The following MAP3K15 variants were observed in gnomAD, a reference collection of about 807,000 sequenced individuals.
MAP3K15 encodes MAPK/ERK kinase kinase 15.
MAP3K15 carries 124 observed loss-of-function variants against 99.5 expected under a neutral mutation model. That is an observed-to-expected ratio of 1.25 (90% CI 1.08 to 1.45). The LOEUF is 1.45. Ranked by LOEUF, MAP3K15 falls within the 40% of genes most tolerant of loss-of-function variation. The pLI is 0.00. For missense variants in MAP3K15, 1,242 were observed against 1,079.7 expected, an observed-to-expected ratio of 1.15 and a Z score of -2.11; for synonymous variants, 494 against 439.6, an observed-to-expected ratio of 1.12 and a Z score of -1.55.
At position 19,489,605 on chromosome X, in the gene MAP3K15, G is replaced by A. The variant is rs189547734; in HGVS notation, c.362-638C>T. Reference sequence around the variant, plus strand: ...TTAGTGCACTTATAAAAGAGACTCCGGGGAGCTGCTTTCCCCCTTTCATCA... The same window carrying A: ...TTAGTGCACTTATAAAAGAGACTCCAGGGAGCTGCTTTCCCCCTTTCATCA... On this transcript the variant is annotated intron_variant, in intron 1 of 28. Coordinates refer to ENST00000338883, the MANE Select transcript of MAP3K15 (RefSeq NM_001001671.4). Among the ~76,000 whole-genome samples, 81 of 111,112 alleles carry A rather than the reference G, an allele frequency of 7.3e-4. 2 individuals carry two copies. The highest frequency in any genetic ancestry group is 3.3e-3 in the Admixed American group (34 of 10,448).
rs2063583530 is a variant in MAP3K15 at position 19,398,345 on chromosome X, A to G, written c.1947T>C (p.His649=). The stretch of plus-strand genomic sequence containing the variant: ...AGACAACTCTCTCACCATTTGCATC[A>G]TGGTCATACTCATACTGAAGAAGGA... ...DGDTLEYEYD[H]DANGERVVLG... is the part of the protein sequence containing the mutation. The change falls in exon 15 of 29, where the codon CAT becomes CAC. Residue 649 remains histidine (H), a synonymous_variant. Coordinates refer to ENST00000338883, the MANE Select transcript of MAP3K15 (RefSeq NM_001001671.4). 1 of 1,209,598 alleles carries G rather than the reference A, an allele frequency of 8.3e-7. No individual in the cohort carries two copies. The highest frequency in any genetic ancestry group is 2.2e-5 in the Admixed American group (1 of 45,668).
chrX:19,389,005 C>T (rs2063509719), intron 18 of MAP3K15, among the ~76,000 whole-genome samples: 1 of 111,549 alleles, frequency 9.0e-6, no homozygotes, highest in Admixed American at 9.6e-5. Context: ...GGAGGAACTG[C>T]AAAAACAGGA....
intron 13 of MAP3K15, among the ~76,000 whole-genome samples, chrX:19,401,654 G>C (rs764240661): frequency 2.2e-4 from 24 of 111,507 alleles, no homozygotes; most frequent in Non-Finnish European, 3.6e-4. Context: ...AACGCATAAG[G>C]TGGCCACATC....
At chrX:19,379,169 C>T (rs754726469) in intron 19 of MAP3K15, among the ~76,000 whole-genome samples, 4 of 109,978 alleles carry the variant, frequency 3.6e-5, no homozygotes, top group Non-Finnish European at 7.6e-5. Flanking sequence ...CTGAGATATA[C>T]GTGAATCTTT....
intron 9 of MAP3K15, among the ~76,000 whole-genome samples, chrX:19,419,882 A>C (rs183384503): frequency 4.9e-4 from 55 of 112,172 alleles, no homozygotes; most frequent in African/African-American, 1.7e-3. Flanking sequence ...ATGATTAAGA[A>C]ACTCACTCAA....
At chrX:19,450,929 A>C (rs934717153) in intron 6 of MAP3K15, among the ~76,000 whole-genome samples, 4 of 109,495 alleles carry the variant, frequency 3.7e-5, no homozygotes, top group African/African-American at 1.3e-4. Flanking sequence ...TAAAAAGTAT[A>C]CATGTGGCAA....
chrX:19,475,271 C>A (rs1172751816), intron 3 of MAP3K15, among the ~76,000 whole-genome samples: 1 of 110,524 alleles, frequency 9.0e-6, no homozygotes, highest in Non-Finnish European at 1.9e-5. Context: ...GGTTTATGCT[C>A]CTATGAGAAT....
At chrX:19,420,469 C>G (rs765145461) in intron 9 of MAP3K15, among the ~76,000 whole-genome samples, 2 of 111,456 alleles carry the variant, frequency 1.8e-5, no homozygotes, top group Non-Finnish European at 3.8e-5. Flanking sequence ...CACATACACC[C>G]TCCCAAGACT....
chrX:19,377,952 A>G (rs2063431789), intron 19 of MAP3K15, among the ~76,000 whole-genome samples: 1 of 112,197 alleles, frequency 8.9e-6, no homozygotes, highest in Non-Finnish European at 1.9e-5. Flanking sequence ...ATAGGAGGTG[A>G]GAAGCTCTGA....
intron 6 of MAP3K15, among the ~76,000 whole-genome samples, chrX:19,435,881 T>A (rs773770021): frequency 8.9e-6 from 1 of 112,214 alleles, no homozygotes; most frequent in Non-Finnish European, 1.9e-5. Flanking sequence ...AGGCTGGGCG[T>A]GGTGGCTCAC....
At chrX:19,380,879 G>A (rs1414646897) in intron 18 of MAP3K15, among the ~76,000 whole-genome samples, 3 of 112,322 alleles carry the variant, frequency 2.7e-5, no homozygotes, top group Non-Finnish European at 5.6e-5. Flanking sequence ...TACTAACCAC[G>A]TGGAGAGAGG....
intron 16 of MAP3K15, among the ~76,000 whole-genome samples, chrX:19,393,637 C>CAA (rs376190025): frequency 3.2e-5 from 3 of 92,552 alleles, no homozygotes; most frequent in African/African-American, 7.6e-5. Context: ...GACTCCATCT[C>CAA]AAAAAAAAAA....
rs1387542405 is a variant in MAP3K15 at position 19,453,855 on chromosome X, G to A, written c.995+3058C>T. Among the ~76,000 whole-genome samples the A allele has an allele frequency of 1.7e-4, 19 of 111,806 alleles. No individual in the cohort carries two copies. The Admixed American group carries it at 1.7e-3, about 10-fold the overall frequency. On this transcript the variant is annotated intron_variant, in intron 6 of 28. Coordinates refer to ENST00000338883, the MANE Select transcript of MAP3K15 (RefSeq NM_001001671.4). ...ATATCCACATGGAAATTAAGACAGCGAAATCAAACAGCGAACATCAACAGA... is the reference window on the plus strand; with the variant it reads ...ATATCCACATGGAAATTAAGACAGCAAAATCAAACAGCGAACATCAACAGA...
At chrX:19,465,261 T>C (rs2064158296) in intron 3 of MAP3K15, among the ~76,000 whole-genome samples, 1 of 111,466 alleles carries the variant, frequency 9.0e-6, no homozygotes, top group Non-Finnish European at 1.9e-5. Flanking sequence ...CATTAATAAG[T>C]GTAAGAACCA....
chrX:19,371,262 A>G, intron 23 of MAP3K15, 83 bp downstream of exon 23: 1 of 1,014,574 alleles, frequency 9.9e-7, no homozygotes, highest in Non-Finnish European at 1.4e-6. Flanking sequence ...GTATACAGTT[A>G]AGAAGAGATG....
At chrX:19,500,655 G>A in intron 1 of MAP3K15, among the ~76,000 whole-genome samples, 1 of 112,026 alleles carries the variant, frequency 8.9e-6, no homozygotes, top group Non-Finnish European at 1.9e-5. Flanking sequence ...GCCAAAACCT[G>A]TGCAAGTTAC....
Position 19,426,444 on chromosome X carries a change from T to C in MAP3K15, c.1167-101A>G, listed in dbSNP as rs1021961285. ...TCATGAAAAGTTTTCTTTCTCTAAA[T>C]TTGTTGTTGCCCATTCCCCTCGCCT... On this transcript the variant is annotated intron_variant, in intron 7 of 28. Coordinates refer to ENST00000338883, the MANE Select transcript of MAP3K15 (RefSeq NM_001001671.4). The C allele has an allele frequency of 4.4e-5, 21 of 474,900 alleles. No homozygotes were observed. The African/African-American group carries it at 5.3e-4, about 12-fold the overall frequency. The allele number at this position is 474,900 out of a possible 1,213,427, so 39.1% of individuals were successfully genotyped here.
intron 5 of MAP3K15, among the ~76,000 whole-genome samples, chrX:19,459,640 A>G (rs1328427447): frequency 8.9e-6 from 1 of 112,257 alleles, no homozygotes; most frequent in Non-Finnish European, 1.9e-5. Flanking sequence ...ACCTGAGGTC[A>G]GGAGTTTAAG....
intron 18 of MAP3K15, among the ~76,000 whole-genome samples, chrX:19,389,114 C>A (rs2063510168): frequency 9.1e-6 from 1 of 110,493 alleles, no homozygotes; most frequent in Admixed American, 9.7e-5. Flanking sequence ...CACAACAAAG[C>A]AGATGAGTGA....
Sources: gnomAD v4.1 joint callset for allele counts (sites outside exome capture counted in the v4.1 genomes callset) on GRCh38, gnomAD v4.1.1 for gene constraint, MANE v1.5 for transcripts, NCBI Gene and HGNC (gene_info 2026-07-23, HGNC 2026-07-21) for gene names.